SLC22A25: variants seen among roughly 807,000 people sequenced by gnomAD.
SLC22A25 encodes the protein MGI:2442751, MGI:2385316, MGI:3042283, MGI:3645714, MGI:3605624, MGI:2442750.
A neutral mutation model predicts 45.9 loss-of-function variants in SLC22A25; 44 were observed. The observed-to-expected ratio is 0.96, with a 90% CI of 0.75 to 1.23. The LOEUF is 1.23. Ranked by LOEUF, SLC22A25 falls within the 50% of genes most tolerant of loss-of-function variation. The pLI, the probability that SLC22A25 is intolerant of heterozygous loss-of-function variation, is 0.00. For missense variants in SLC22A25, 800 were observed against 666.4 expected (o/e 1.20, Z -2.21); for synonymous variants, 283 against 238.6 (o/e 1.19, Z -1.72).
Position 63,160,913 on chromosome 11 carries a change from T to C in SLC22A25, c.*2911A>G, listed in dbSNP as rs1467931185. Among the ~76,000 whole-genome samples, 1 of 152,192 alleles carries C rather than the reference T, an allele frequency of 6.6e-6. No homozygotes were observed. The highest frequency in any genetic ancestry group is 2.4e-5 in the African/African-American group (1 of 41,460). Reference sequence around the variant, plus strand: ...TGTATGGGGCCTTTAGTAAAACTGCTATGGAGAACAGTTTGGAGGTTCCTC... The same window carrying C: ...TGTATGGGGCCTTTAGTAAAACTGCCATGGAGAACAGTTTGGAGGTTCCTC... On this transcript the variant is annotated 3_prime_UTR_variant, in exon 12 of 12. Coordinates refer to ENST00000306494, the MANE Select transcript of SLC22A25 (RefSeq NM_199352.6).
At chr11:63,185,582 G>A (rs2088502428) in intron 7 of SLC22A25, among the ~76,000 whole-genome samples, 1 of 148,922 alleles carries the variant, frequency 6.7e-6, no homozygotes. Flanking sequence ...TAGGGTACAT[G>A]TGCACATTGT....
At position 63,228,259 on chromosome 11, in the gene SLC22A25, T is replaced by C. The variant is rs1383595725; in HGVS notation, c.506+202A>G. Among the ~76,000 whole-genome samples, 46 of 152,216 alleles carry C rather than the reference T, an allele frequency of 3.0e-4. 1 individual carries two copies. Among genetic ancestry groups the C allele is most frequent in the Non-Finnish European group, 1.5e-5 (1 of 68,042 alleles). On this transcript the variant is annotated intron_variant, in intron 5 of 11. Transcript: ENST00000306494. ...ACCCCCAGGTCAGATGGAGATGAAA[T>C]TTCTGTGTCTTGTGCACAGCACACA... is the stretch of plus-strand genomic sequence containing the variant.
chr11:63,217,931 T>G, intron 5 of SLC22A25, 196 bp from the exon 6 acceptor site: 1 of 679,886 alleles, frequency 1.5e-6, no homozygotes, highest in Non-Finnish European at 2.5e-6. Flanking sequence ...AGATACTGAG[T>G]GTATAAAAGT....
At chr11:63,224,524 T>A (rs1303058545) in intron 5 of SLC22A25, among the ~76,000 whole-genome samples, 1 of 152,190 alleles carries the variant, frequency 6.6e-6, no homozygotes, top group Non-Finnish European at 1.5e-5. Context: ...TTCCTTCCTG[T>A]CTTCCTTTTA....
Position 63,217,693 on chromosome 11 carries a change from G to A in SLC22A25, c.549C>T (p.Leu183=), listed in dbSNP as rs147608080. Reference sequence around the variant, plus strand: ...AGGCCGCACAGGTGCCTACAATGGCGAGCTGGAGGTAAGACCATCTGAGCA... The same window carrying A: ...AGGCCGCACAGGTGCCTACAATGGCAAGCTGGAGGTAAGACCATCTGAGCA... ...KFVLRWSYLQ[L]AIVGTCAAFA... is the part of the protein sequence containing the mutation. Residue 183 remains leucine (L), a synonymous_variant, in exon 6 of 12, where the codon CTC becomes CTT. Coordinates refer to ENST00000306494, the MANE Select transcript of SLC22A25 (RefSeq NM_199352.6). 51 of 1,613,818 alleles carry A rather than the reference G, an allele frequency of 3.2e-5. No homozygotes were observed. In the African/African-American group the frequency reaches 4.4e-4, roughly 14 times the overall value.
chr11:63,217,781 TG>T (rs1248966106), intron 5 of SLC22A25, 46 bp from the exon 6 acceptor site: 2 of 1,554,588 alleles, frequency 1.3e-6, no homozygotes, highest in South Asian at 2.5e-5. Flanking sequence ...TAACAACCTT[TG>T]GGAAATGTTA....
chr11:63,169,402 G>A (rs1300671665), intron 9 of SLC22A25, among the ~76,000 whole-genome samples: 1 of 151,892 alleles, frequency 6.6e-6, no homozygotes, highest in African/African-American at 2.4e-5. Flanking sequence ...ACCCACTGGT[G>A]TGCTGTATTC....
At chr11:63,194,825 T>C (rs1479691367) in intron 7 of SLC22A25, among the ~76,000 whole-genome samples, 1 of 145,002 alleles carries the variant, frequency 6.9e-6, no homozygotes, top group African/African-American at 2.6e-5. Context: ...ACCCATCTCA[T>C]GTGCAGAGAC....
At chr11:63,210,075 TTC>T (rs2089516858) in intron 7 of SLC22A25, among the ~76,000 whole-genome samples, 1 of 152,180 alleles carries the variant, frequency 6.6e-6, no homozygotes, top group Admixed American at 6.5e-5. Flanking sequence ...CCAAAGTGCA[TTC>T]TATGAAAGGC....
intron 9 of SLC22A25, 87 bp downstream of exon 9, chr11:63,180,573 T>C: frequency 1.1e-6 from 1 of 900,436 alleles, no homozygotes; most frequent in East Asian, 2.6e-5. Flanking sequence ...CCAAATATTT[T>C]CCTTCAACAT....
At position 63,217,115 on chromosome 11, in the gene SLC22A25, C is replaced by G. The variant is rs373353104; in HGVS notation, c.830+199G>C. Among the ~76,000 whole-genome samples, 9 of 152,130 alleles carry G rather than the reference C, an allele frequency of 5.9e-5. 1 individual carries two copies. The East Asian group carries it at 7.7e-4, about 13-fold the overall frequency. ...TTTTTCAGAAGTATTTGTTGATTAT[C>G]TTATATTCAAATTTAATTAACTGTC... On this transcript the variant is annotated intron_variant, in intron 7 of 11. Coordinates refer to ENST00000306494, the MANE Select transcript of SLC22A25 (RefSeq NM_199352.6).
Position 63,243,524 on chromosome 11 carries a change from G to A in SLC22A25, c.-1086C>T. On this transcript the variant is annotated 5_prime_UTR_variant, in exon 1 of 12. Coordinates refer to ENST00000306494, the MANE Select transcript of SLC22A25 (RefSeq NM_199352.6). ...CATGTTCCTGGCCTCCAGGCTCAAA[G>A]AGTCCAGCCCACTGACTGCCAAAAA... is the stretch of plus-strand genomic sequence containing the variant. The A allele has an allele frequency of 1.3e-6, 1 of 762,750 alleles. No individual in the cohort carries two copies. The highest frequency in any genetic ancestry group is 1.7e-5 in the African/African-American group (1 of 58,872). The allele number at this position is 762,750 out of a possible 1,614,324, so 47.2% of individuals were successfully genotyped here.
chr11:63,170,615 G>T (rs1034044375), intron 9 of SLC22A25, among the ~76,000 whole-genome samples: 5 of 152,082 alleles, frequency 3.3e-5, no homozygotes, highest in Non-Finnish European at 5.9e-5. Context: ...ACTAAACCAG[G>T]AAGAAGTTGA....
At chr11:63,189,672 G>A (rs1313831523) in intron 7 of SLC22A25, among the ~76,000 whole-genome samples, 2 of 152,170 alleles carry the variant, frequency 1.3e-5, no homozygotes, top group Non-Finnish European at 2.9e-5. Context: ...TGTTTCTGCA[G>A]TGGCTGGTAC....
Position 63,229,418 on chromosome 11 carries a change from A to T in SLC22A25, c.235T>A (p.Phe79Ile), listed in dbSNP as rs893160522. 4.3e-6 allele frequency: 7 copies of T among 1,614,128 alleles called. No individual in the cohort carries two copies. The highest frequency in any genetic ancestry group is 5.9e-6 in the Non-Finnish European group (7 of 1,179,978). Residue 79 changes from phenylalanine (F) to isoleucine (I), a missense_variant, in exon 4 of 12, where the codon TTC (phenylalanine) becomes ATC (isoleucine). By Grantham distance (21) the Phe-to-Ile change is conservative. Transcript: ENST00000306494. ...QDALLRISIPFDSNLRPEKCR... is the reference protein window; with the variant it reads ...QDALLRISIPIDSNLRPEKCR... Reference sequence around the variant, plus strand: ...TTCTCTGGCCTCAGATTTGAGTCGAATGGGATGGAGATTCTCAGGAGGGCA... The same window carrying T: ...TTCTCTGGCCTCAGATTTGAGTCGATTGGGATGGAGATTCTCAGGAGGGCA...
chr11:63,175,979 T>A (rs751174613), intron 9 of SLC22A25, among the ~76,000 whole-genome samples: 1 of 152,022 alleles, frequency 6.6e-6, no homozygotes, highest in Non-Finnish European at 1.5e-5. Flanking sequence ...GAAGAAACTA[T>A]CTTTTTCTAT....
At chr11:63,178,065 T>A (rs200936323) in intron 9 of SLC22A25, among the ~76,000 whole-genome samples, 31 of 364 alleles carry the variant, frequency 0.085, no homozygotes, top group African/African-American at 0.13. Context: ...TTATTTATTT[T>A]TTTTTTTGCA....
chr11:63,228,548 T>C lies in SLC22A25; in HGVS notation c.419A>G (p.Glu140Gly). Residue 140 changes from glutamate to glycine, a missense_variant, in exon 5 of 12, where the codon GAA becomes GGA. Coordinates refer to ENST00000306494, the MANE Select transcript of SLC22A25 (RefSeq NM_199352.6). ...TIVTKWDLVC[E>G]SQPLNSVAKF... ...AGCTACTGAATTCAGTGGTTGAGAT[T>C]CGCATACCAGATCCCACTGGAAGAA... 1 of 1,613,638 alleles carries C rather than the reference T, an allele frequency of 6.2e-7. No individual in the cohort carries two copies. The highest frequency in any genetic ancestry group is 8.5e-7 in the Non-Finnish European group (1 of 1,179,798).
At chr11:63,238,062 G>A (rs758833287) in intron 2 of SLC22A25, 50 bp from the exon 3 acceptor site, 9 of 152,124 alleles carry the variant, frequency 5.9e-5, no homozygotes, top group South Asian at 2.1e-4. Context: ...AACTTAAAAC[G>A]CCTCAGAGGA....
Sources: gnomAD v4.1 joint callset for allele counts (sites outside exome capture counted in the v4.1 genomes callset) on GRCh38, gnomAD v4.1.1 for gene constraint, MANE v1.5 for transcripts, NCBI Gene and HGNC (gene_info 2026-07-23, HGNC 2026-07-21) for gene names.